Variants in SNX13 observed in about 807,000 individuals in gnomAD.
SNX13 encodes sorting nexin 13.
SNX13 carries 45 observed loss-of-function variants against 133.6 expected under a neutral mutation model. The ratio of observed to expected loss-of-function variants is 0.34; its 90% CI spans 0.27 to 0.43. SNX13 has a LOEUF of 0.43. Ranked by LOEUF, SNX13 falls within the 20% of genes least tolerant of loss-of-function variation. The pLI, the probability that SNX13 is intolerant of heterozygous loss-of-function variation, is 1.00. For missense variants in SNX13, 1,032 were observed against 1,145.1 expected, an observed-to-expected ratio of 0.90 and a Z score of 1.43; for synonymous variants, 414 against 373.9, an observed-to-expected ratio of 1.11 and a Z score of -1.24.
intron 5 of SNX13, among the ~76,000 whole-genome samples, chr7:17,878,580 T>C (rs1391009614): frequency 6.6e-6 from 1 of 152,218 alleles, no homozygotes; most frequent in African/African-American, 2.4e-5. Flanking sequence ...GCCACCATCG[T>C]ATCCCTCGCC....
At chr7:17,931,775 T>C (rs1801414477) in intron 1 of SNX13, among the ~76,000 whole-genome samples, 1 of 152,216 alleles carries the variant, frequency 6.6e-6, no homozygotes. Flanking sequence ...ATATACATGA[T>C]CCTCTCATAA....
chr7:17,937,365 T>C (rs1041622878), intron 1 of SNX13, among the ~76,000 whole-genome samples: 4 of 151,942 alleles, frequency 2.6e-5, no homozygotes, highest in African/African-American at 9.7e-5. Context: ...AGATATATTT[T>C]TGGCCCGGTG....
At chr7:17,886,103 C>T (rs990606902) in intron 5 of SNX13, among the ~76,000 whole-genome samples, 10 of 151,950 alleles carry the variant, frequency 6.6e-5, no homozygotes, top group Non-Finnish European at 1.3e-4. Context: ...TTCATTATTT[C>T]TATGGCAAAA....
chr7:17,796,963 T>C (rs1294283576), intron 24 of SNX13, 24 bp from the exon 25 acceptor site: 2 of 1,466,478 alleles, frequency 1.4e-6, no homozygotes, highest in African/African-American at 1.4e-5. Flanking sequence ...TTAAATACAT[T>C]TTGTAAACAT....
chr7:17,920,149 G>A (rs1562525673), intron 1 of SNX13, among the ~76,000 whole-genome samples: 1 of 152,088 alleles, frequency 6.6e-6, no homozygotes, highest in Non-Finnish European at 1.5e-5. Context: ...ATCGCTATAC[G>A]CAAAATAGAC....
chr7:17,862,928 G>C (rs970919617), intron 9 of SNX13, among the ~76,000 whole-genome samples: 1 of 152,154 alleles, frequency 6.6e-6, no homozygotes, highest in Non-Finnish European at 1.5e-5. Flanking sequence ...ATCAAGGAAA[G>C]TGGCATTCAA....
intron 9 of SNX13, among the ~76,000 whole-genome samples, chr7:17,858,074 T>C (rs1023618528): frequency 3.3e-5 from 5 of 152,246 alleles, no homozygotes; most frequent in East Asian, 3.9e-4. Flanking sequence ...GTTAACATCA[T>C]ATTGAGTGGA....
intron 11 of SNX13, among the ~76,000 whole-genome samples, chr7:17,849,620 C>G (rs763582701): frequency 1.8e-4 from 27 of 152,320 alleles, no homozygotes; most frequent in Non-Finnish European, 2.9e-4. Context: ...CATATAAGAT[C>G]TAACCCCCCG....
intron 20 of SNX13, among the ~76,000 whole-genome samples, chr7:17,808,480 T>G (rs1266414503): frequency 6.6e-6 from 1 of 152,304 alleles, no homozygotes; most frequent in East Asian, 1.9e-4. Context: ...TAAGTTTGAT[T>G]GCTGTACCTG....
rs1043091305 is a variant in SNX13 at position 17,799,000 on chromosome 7, G to C, written c.2444+9C>G. 1 of 1,604,946 alleles carries C rather than the reference G, an allele frequency of 6.2e-7. No homozygotes were observed. Among genetic ancestry groups the C allele is most frequent in the Non-Finnish European group, 8.5e-7 (1 of 1,175,878 alleles). On this transcript the variant is annotated intron_variant, in intron 23 of 25. Coordinates refer to ENST00000428135, the MANE Select transcript of SNX13 (RefSeq NM_015132.5). ...GATCAGATTAAAAGCGAGGAGGAAA[G>C]AGTGCTACCTATTAATAGTATCGCC...
At chr7:17,933,542 C>CAAAAAAAAAAA (rs1801661018) in intron 1 of SNX13, among the ~76,000 whole-genome samples, 1 of 143,706 alleles carries the variant, frequency 7.0e-6, no homozygotes, top group Non-Finnish European at 1.5e-5. Flanking sequence ...GACTCTGTCT[C>CAAAAAAAAAAA]AGAAAAAAAA....
chr7:17,932,555 CCTA>C (rs1801510534), intron 1 of SNX13, among the ~76,000 whole-genome samples: 1 of 152,180 alleles, frequency 6.6e-6, no homozygotes, highest in African/African-American at 2.4e-5. Context: ...TTTAGTGAGG[CCTA>C]CTAAGTATCA....
intron 9 of SNX13, among the ~76,000 whole-genome samples, chr7:17,863,770 C>T (rs1793030409): frequency 6.6e-6 from 1 of 152,214 alleles, no homozygotes. Context: ...GCCATGGTGA[C>T]CATGACAGTG....
At chr7:17,806,411 G>C (rs1785304174) in intron 20 of SNX13, among the ~76,000 whole-genome samples, 1 of 152,050 alleles carries the variant, frequency 6.6e-6, no homozygotes, top group Non-Finnish European at 1.5e-5. Flanking sequence ...TACTTTAATA[G>C]CTATTTAATT....
chr7:17,895,604 T>G (rs1797117528), intron 2 of SNX13, among the ~76,000 whole-genome samples: 1 of 152,164 alleles, frequency 6.6e-6, no homozygotes, highest in African/African-American at 2.4e-5. Flanking sequence ...TCCCACCTTA[T>G]CTCCAAATTT....
At chr7:17,922,942 C>G (rs1389578697) in intron 1 of SNX13, among the ~76,000 whole-genome samples, 1 of 152,164 alleles carries the variant, frequency 6.6e-6, no homozygotes, top group Non-Finnish European at 1.5e-5. Context: ...TTACTTAATA[C>G]ACTTTCACAC....
At position 17,903,409 on chromosome 7, in the gene SNX13, T is replaced by G. The variant is rs1375538485; in HGVS notation, c.13-5963A>C. On this transcript the variant is annotated intron_variant, in intron 1 of 25. Coordinates refer to ENST00000428135, the MANE Select transcript of SNX13 (RefSeq NM_015132.5). ...TAAAATGCTGTGGAAATCATACACC[T>G]CAGAACAACTTATGAAGCAGTAGAA... Among the ~76,000 whole-genome samples the G allele has an allele frequency of 2.6e-5, 4 of 152,160 alleles. No individual in the cohort carries two copies. In the East Asian group the frequency reaches 7.7e-4, roughly 29 times the overall value.
chr7:17,805,250 T>TGTGTGTGTGCGCGCGCGCGCGC, intron 20 of SNX13, among the ~76,000 whole-genome samples: 29 of 95,546 alleles, frequency 3.0e-4, no homozygotes, highest in African/African-American at 5.0e-4. Context: ...TGTGTGTGTG[T>TGTGTGTGTGCGCGCGCGCGCGC]GCGTGCGCGC....
intron 5 of SNX13, chr7:17,881,251 C>A (rs1488299232): frequency 1.3e-5 from 2 of 151,682 alleles, no homozygotes; most frequent in South Asian, 2.1e-4. Flanking sequence ...CACACACACA[C>A]ACACACACAC....
Sources: gnomAD v4.1 joint callset for allele counts (sites outside exome capture counted in the v4.1 genomes callset) on GRCh38, gnomAD v4.1.1 for gene constraint, MANE v1.5 for transcripts, NCBI Gene and HGNC (gene_info 2026-07-23, HGNC 2026-07-21) for gene names.